Variants in PDE1C observed in about 807,000 individuals in gnomAD.
PDE1C encodes the protein phosphodiesterase 1C, also known as dual specificity calcium/calmodulin-dependent 3',5'-cyclic nucleotide phosphodiesterase 1C.
Under a neutral mutation model 93.1 loss-of-function variants are expected in PDE1C, and 62 were observed. The ratio of observed to expected loss-of-function variants is 0.67; its 90% CI spans 0.54 to 0.82. The LOEUF is 0.82. Ranked by LOEUF, PDE1C falls within the 40% of genes least tolerant of loss-of-function variation. The pLI is 0.00. For synonymous variants in PDE1C, 325 were observed against 310.1 expected (o/e 1.05, Z -0.50); for missense variants, 742 against 884.6 (o/e 0.84, Z 2.04).
At chr7:32,181,425 G>T (rs572114826) in intron 2 of PDE1C, among the ~76,000 whole-genome samples, 1 of 152,272 alleles carries the variant, frequency 6.6e-6, no homozygotes, top group South Asian at 2.1e-4. Context: ...AAATGTAAAA[G>T]AACAGAAATT....
intron 1 of PDE1C, among the ~76,000 whole-genome samples, chr7:32,404,432 C>T: frequency 6.6e-6 from 1 of 152,164 alleles, no homozygotes; most frequent in East Asian, 1.9e-4. Context: ...CAGCTCACTA[C>T]AGCCTCAGCC....
the PDE1C span, among the ~76,000 whole-genome samples, chr7:31,702,248 TA>T: frequency 7.3e-5 from 11 of 151,702 alleles, no homozygotes; most frequent in Non-Finnish European, 1.5e-4. Flanking sequence ...TGTTCCCAAA[TA>T]AGACAAGAAG....
chr7:31,817,782 G>C (rs1377517728), intron 14 of PDE1C, among the ~76,000 whole-genome samples: 1 of 152,068 alleles, frequency 6.6e-6, no homozygotes, highest in African/African-American at 2.4e-5. Context: ...CATCTATCAT[G>C]TTTCCCTTTG....
intron 3 of PDE1C, among the ~76,000 whole-genome samples, chr7:32,154,489 C>T (rs1247088998): frequency 6.6e-6 from 1 of 152,130 alleles, no homozygotes; most frequent in Non-Finnish European, 1.5e-5. Flanking sequence ...TTGATGTGGA[C>T]ATAACAGAAT....
At chr7:31,822,294 C>T (rs1789068366) in intron 14 of PDE1C, among the ~76,000 whole-genome samples, 1 of 151,954 alleles carries the variant, frequency 6.6e-6, no homozygotes, top group African/African-American at 2.4e-5. Flanking sequence ...TGTCTTTGTC[C>T]CTACCTGGAA....
At chr7:31,706,811 C>T in the PDE1C span, among the ~76,000 whole-genome samples, 4 of 152,202 alleles carry the variant, frequency 2.6e-5, no homozygotes, top group Admixed American at 2.6e-4. Flanking sequence ...TTACTGTACT[C>T]ATGTTATATT....
chr7:31,710,477 A>G, the PDE1C span, among the ~76,000 whole-genome samples: 2 of 152,264 alleles, frequency 1.3e-5, no homozygotes, highest in South Asian at 2.1e-4. Context: ...GGATTGGGGA[A>G]GAACCATAAA....
Position 32,050,574 on chromosome 7 carries a change from GTA to G in PDE1C, c.128+978_128+979del, listed in dbSNP as rs10684136. ...ACTGTAATGATTTCACTATGTGTATGTATATATATATATACACATATGAAAAA... is the reference window on the plus strand; with the variant it reads ...ACTGTAATGATTTCACTATGTGTATGTATATATATATACACATATGAAAAA... On this transcript the variant is annotated intron_variant, in intron 2 of 17. Transcript: ENST00000396191. Among the ~76,000 whole-genome samples the G allele has an allele frequency of 1.7e-4, 25 of 150,674 alleles. 1 individual carries two copies. Among genetic ancestry groups the G allele is most frequent in the African/African-American group, 2.7e-4 (11 of 41,106 alleles).
At chr7:31,898,379 T>C (rs1000659081) in intron 2 of PDE1C, among the ~76,000 whole-genome samples, 3 of 152,128 alleles carry the variant, frequency 2.0e-5, no homozygotes, top group African/African-American at 7.2e-5. Context: ...TTTAAACTTC[T>C]CTACAAAATT....
At chr7:32,113,927 T>C (rs1022920126) in intron 3 of PDE1C, among the ~76,000 whole-genome samples, 6 of 152,050 alleles carry the variant, frequency 3.9e-5, no homozygotes, top group Admixed American at 1.3e-4. Context: ...TAACAAGGGA[T>C]GTGAAGGAAT....
At chr7:32,149,889 T>C (rs1333907465) in intron 3 of PDE1C, among the ~76,000 whole-genome samples, 1 of 152,038 alleles carries the variant, frequency 6.6e-6, no homozygotes, top group Non-Finnish European at 1.5e-5. Context: ...CCACCCCCAC[T>C]CCACCCCCAT....
At chr7:32,029,593 G>T (rs905614288) in intron 2 of PDE1C, among the ~76,000 whole-genome samples, 2 of 152,016 alleles carry the variant, frequency 1.3e-5, no homozygotes, top group African/African-American at 2.4e-5. Flanking sequence ...AGGAAAGAAG[G>T]CAGAGAGGAA....
chr7:32,175,496 G>A (rs768889135), intron 2 of PDE1C, among the ~76,000 whole-genome samples: 6 of 152,184 alleles, frequency 3.9e-5, no homozygotes, highest in Admixed American at 2.0e-4. Flanking sequence ...TTGCCTCAGC[G>A]TTGATGGCTG....
chr7:32,135,690 A>G (rs555145178), intron 3 of PDE1C, among the ~76,000 whole-genome samples: 3 of 152,212 alleles, frequency 2.0e-5, no homozygotes, highest in Non-Finnish European at 4.4e-5. Context: ...AGCCATTATG[A>G]AAAACAGTAT....
At chr7:31,656,457 T>C in the PDE1C span, 1 of 968,184 alleles carries the variant, frequency 1.0e-6, no homozygotes, top group Non-Finnish European at 1.2e-6. Flanking sequence ...GCATGTTGGC[T>C]ATTATTACAA....
chr7:31,939,713 T>G (rs748907256), intron 2 of PDE1C, among the ~76,000 whole-genome samples: 10 of 152,094 alleles, frequency 6.6e-5, no homozygotes, highest in Non-Finnish European at 1.3e-4. Context: ...TAACTCTTCT[T>G]TACCAAAAAG....
intron 3 of PDE1C, among the ~76,000 whole-genome samples, chr7:32,164,485 T>C (rs77044419): frequency 0.16 from 24,299 of 152,184 alleles, 2,114 homozygotes; most frequent in East Asian, 0.24. Flanking sequence ...GCTAGTAGAA[T>C]ATGCTGAAGG....
At chr7:32,224,738 C>T (rs920765564) in intron 1 of PDE1C, among the ~76,000 whole-genome samples, 4 of 152,302 alleles carry the variant, frequency 2.6e-5, no homozygotes, top group African/African-American at 7.2e-5. Context: ...TAAGGATGTC[C>T]TTGGAAGCTG....
chr7:32,279,091 A>T (rs1811466930), intron 1 of PDE1C, among the ~76,000 whole-genome samples: 1 of 152,202 alleles, frequency 6.6e-6, no homozygotes, highest in African/African-American at 2.4e-5. Context: ...CAAATATAAA[A>T]ACTGATCAGA....
Sources: gnomAD v4.1 joint callset for allele counts (sites outside exome capture counted in the v4.1 genomes callset) on GRCh38, gnomAD v4.1.1 for gene constraint, MANE v1.5 for transcripts, NCBI Gene and HGNC (gene_info 2026-07-23, HGNC 2026-07-21) for gene names.